The following FHIT variants were observed in gnomAD, a reference collection of about 807,000 sequenced individuals.
FHIT encodes bis(5'-adenosyl)-triphosphatase.
Under a neutral mutation model 17.9 loss-of-function variants are expected in FHIT, and 19 were observed. The ratio of observed to expected loss-of-function variants is 1.06; its 90% CI spans 0.74 to 1.56. The LOEUF (loss-of-function observed/expected upper bound fraction) is 1.56. Among genes scored for constraint, FHIT ranks in the 40% most tolerant of loss-of-function variants. The pLI, the probability that FHIT is intolerant of heterozygous loss-of-function variation, is 0.00. For missense variants in FHIT, 248 were observed against 189.2 expected (o/e 1.31, Z -1.82); for synonymous variants, 81 against 69.7 (o/e 1.16, Z -0.81).
At chr3:61,069,893 G>C (rs926014999) in intron 2 of FHIT, among the ~76,000 whole-genome samples, 8 of 152,070 alleles carry the variant, frequency 5.3e-5, no homozygotes, top group African/African-American at 1.9e-4. Context: ...AAGCAGGATG[G>C]GGAACCACCA....
chr3:59,964,020 T>C (rs558476652), intron 7 of FHIT, among the ~76,000 whole-genome samples: 100 of 152,246 alleles, frequency 6.6e-4, no homozygotes, highest in African/African-American at 2.2e-3. Flanking sequence ...ACAGAACAAA[T>C]GTGGTCAACC....
intron 8 of FHIT, among the ~76,000 whole-genome samples, chr3:59,786,856 C>T (rs1564914): frequency 0.26 from 39,063 of 151,938 alleles, 5,341 homozygotes; most frequent in South Asian, 0.43. Context: ...GCGAACACCT[C>T]ATTGAAGAAA....
rs78454050 is a variant in FHIT, at chr3:60,168,663, T to A, written c.104-154511A>T. 5.4e-3 allele frequency among the ~76,000 whole-genome samples: 815 copies of A among 152,296 alleles called. 2 individuals carry two copies. The highest frequency in any genetic ancestry group is 0.018 in the African/African-American group (753 of 41,578). On this transcript the variant is annotated intron_variant, in intron 5 of 9. Coordinates refer to ENST00000492590, the MANE Select transcript of FHIT (RefSeq NM_002012.4). ...ATAAAGTGAAAAAGGAAGAACCGTGTTTTTGAAAGGTAAGACAGGGGACAT... is the reference window on the plus strand; with the variant it reads ...ATAAAGTGAAAAAGGAAGAACCGTGATTTTGAAAGGTAAGACAGGGGACAT...
At chr3:60,092,728 G>C (rs367770191) in intron 5 of FHIT, among the ~76,000 whole-genome samples, 2 of 152,110 alleles carry the variant, frequency 1.3e-5, no homozygotes, top group African/African-American at 4.8e-5. Flanking sequence ...TGAGCTAGCT[G>C]GAACAGCACA....
At chr3:60,317,542 T>C (rs1274023735) in intron 5 of FHIT, among the ~76,000 whole-genome samples, 4 of 149,042 alleles carry the variant, frequency 2.7e-5, no homozygotes, top group African/African-American at 4.9e-5. Flanking sequence ...TGCTAATATA[T>C]TGGAAATATA....
chr3:59,939,077 G>T (rs902981411), intron 7 of FHIT, among the ~76,000 whole-genome samples: 1 of 152,200 alleles, frequency 6.6e-6, no homozygotes, highest in African/African-American at 2.4e-5. Flanking sequence ...AGAGGCAACA[G>T]ACAGTGGGGG....
At chr3:59,997,806 AC>A (rs1376527108) in intron 7 of FHIT, among the ~76,000 whole-genome samples, 4 of 151,654 alleles carry the variant, frequency 2.6e-5, no homozygotes, top group Non-Finnish European at 5.9e-5. Context: ...TTTATCTAAC[AC>A]CCCCCTCTAC....
intron 5 of FHIT, among the ~76,000 whole-genome samples, chr3:60,135,318 T>C (rs573011118): frequency 2.0e-5 from 3 of 152,080 alleles, no homozygotes; most frequent in African/African-American, 4.8e-5. Context: ...TATAAGATTA[T>C]AGGCGAGAAA....
intron 1 of FHIT, among the ~76,000 whole-genome samples, chr3:61,219,331 G>A (rs898477426): frequency 1.5e-5 from 1 of 66,358 alleles, no homozygotes; most frequent in Non-Finnish European, 2.8e-5. Context: ...CTAAAAATGT[G>A]TGTGTGTGTG....
chr3:60,386,167 C>G (rs758057435), intron 5 of FHIT, among the ~76,000 whole-genome samples: 1 of 152,126 alleles, frequency 6.6e-6, no homozygotes, highest in Non-Finnish European at 1.5e-5. Context: ...TCCATAGACG[C>G]TACTCACTGG....
chr3:59,908,044 A>AAAG (rs199980344), intron 8 of FHIT, among the ~76,000 whole-genome samples: 1,934 of 152,270 alleles, frequency 0.013, 24 homozygotes, highest in Non-Finnish European at 0.022. Flanking sequence ...CCTTATCTTA[A>AAAG]AGTTGGCTGA....
chr3:60,569,734 T>TATATATATATATATACAC (rs71092616), intron 4 of FHIT, among the ~76,000 whole-genome samples: 3 of 44,082 alleles, frequency 6.8e-5, no homozygotes, highest in Admixed American at 5.7e-4. Context: ...ACTATATATA[T>TATATATATATATATACAC]ATATATATAT....
At chr3:59,889,067 C>T (rs1023427403) in intron 8 of FHIT, among the ~76,000 whole-genome samples, 8 of 152,230 alleles carry the variant, frequency 5.3e-5, no homozygotes, top group Non-Finnish European at 1.0e-4. Flanking sequence ...TCTGTCAATA[C>T]TGTTGTTCTG....
intron 8 of FHIT, among the ~76,000 whole-genome samples, chr3:59,895,824 G>C (rs531601491): frequency 1.3e-5 from 2 of 152,114 alleles, no homozygotes; most frequent in Non-Finnish European, 2.9e-5. Flanking sequence ...ACATCCTCAC[G>C]GGGGCTTAAA....
At chr3:59,800,710 G>C (rs1195820974) in intron 8 of FHIT, among the ~76,000 whole-genome samples, 1 of 152,186 alleles carries the variant, frequency 6.6e-6, no homozygotes, top group Non-Finnish European at 1.5e-5. Flanking sequence ...TTAACTCTGG[G>C]ATCAGTGTGT....
chr3:61,242,107 T>C (rs116745334), intron 1 of FHIT, among the ~76,000 whole-genome samples: 3,358 of 152,162 alleles, frequency 0.022, 55 homozygotes, highest in Middle Eastern at 0.088. Context: ...GATATAAGGG[T>C]TTAAATATAA....
chr3:59,896,159 A>G (rs1704059477), intron 8 of FHIT, among the ~76,000 whole-genome samples: 2 of 152,182 alleles, frequency 1.3e-5, no homozygotes, highest in Admixed American at 1.3e-4. Context: ...CCCAGACTGG[A>G]GTGTCAGCTT....
intron 4 of FHIT, among the ~76,000 whole-genome samples, chr3:60,608,657 G>C (rs2038686176): frequency 6.6e-6 from 1 of 151,988 alleles, no homozygotes; most frequent in South Asian, 2.1e-4. Context: ...AATACTGCAA[G>C]GTCCCCCTTC....
intron 5 of FHIT, among the ~76,000 whole-genome samples, chr3:60,051,671 C>T (rs2106882535): frequency 6.6e-6 from 1 of 152,252 alleles, no homozygotes; most frequent in African/African-American, 2.4e-5. Context: ...CTATATTTTG[C>T]ACCCACTGTG....
Sources: allele counts gnomAD v4.1 joint callset (sites outside exome capture counted in the v4.1 genomes callset), GRCh38; gene constraint gnomAD v4.1.1; transcripts MANE v1.5; gene names NCBI Gene and HGNC (gene_info 2026-07-23, HGNC 2026-07-21).